CDK14: variants seen among roughly 807,000 people sequenced by gnomAD.
CDK14 encodes the protein cyclin-dependent kinase 14.
CDK14 carries 34 observed loss-of-function variants against 60.7 expected under a neutral mutation model. The ratio of observed to expected loss-of-function variants is 0.56; its 90% confidence interval spans 0.43 to 0.75. CDK14 has a LOEUF of 0.75. Ranked by LOEUF, CDK14 falls within the 30% of genes least tolerant of loss-of-function variation. The probability of loss-of-function intolerance (pLI) is 0.00; values close to 1 mark genes in which losing one functional copy is unlikely to be tolerated. For missense variants in CDK14, 482 were observed against 564.1 expected (o/e 0.85, Z 1.47); for synonymous variants, 197 against 203.7 (o/e 0.97, Z 0.28).
At chr7:90,726,977 A>T (rs1802660420) in intron 3 of CDK14, among the ~76,000 whole-genome samples, 165 bp downstream of exon 3, 1 of 151,988 alleles carries the variant, frequency 6.6e-6, no homozygotes, top group Non-Finnish European at 1.5e-5. Flanking sequence ...CTATATATGG[A>T]CTCCTTATTT....
intron 12 of CDK14, among the ~76,000 whole-genome samples, chr7:91,101,363 T>G (rs1799142257): frequency 6.6e-6 from 1 of 152,192 alleles, no homozygotes; most frequent in South Asian, 2.1e-4. Context: ...TTTTGTGAAC[T>G]GTAGAGCTGC....
intron 9 of CDK14, among the ~76,000 whole-genome samples, chr7:90,983,890 G>A (rs1338623283): frequency 6.6e-6 from 1 of 151,984 alleles, no homozygotes; most frequent in South Asian, 2.1e-4. Flanking sequence ...AGGGAGGCAA[G>A]GGTTAACAAA....
At chr7:90,633,249 T>C (rs1223120072) in intron 2 of CDK14, among the ~76,000 whole-genome samples, 1 of 152,228 alleles carries the variant, frequency 6.6e-6, no homozygotes, top group Non-Finnish European at 1.5e-5. Context: ...TTAGTCTGTC[T>C]CAAAACTCTG....
chr7:90,816,526 A>G (rs1479267884), intron 5 of CDK14, among the ~76,000 whole-genome samples: 1 of 152,160 alleles, frequency 6.6e-6, no homozygotes, highest in Non-Finnish European at 1.5e-5. Context: ...TGGATCATTA[A>G]TGTGGCCAGG....
At chr7:90,755,914 T>G (rs1057150631) in intron 4 of CDK14, among the ~76,000 whole-genome samples, 1 of 152,232 alleles carries the variant, frequency 6.6e-6, no homozygotes, top group Non-Finnish European at 1.5e-5. Context: ...GTGTACAATA[T>G]AGTACATCCC....
At chr7:91,103,575 A>G (rs1799201647) in intron 12 of CDK14, among the ~76,000 whole-genome samples, 2 of 152,182 alleles carry the variant, frequency 1.3e-5, no homozygotes, top group African/African-American at 4.8e-5. Context: ...CTGGCAGGCC[A>G]GTACAGCTGT....
At chr7:90,959,749 C>T (rs1259127084) in intron 9 of CDK14, among the ~76,000 whole-genome samples, 3 of 152,108 alleles carry the variant, frequency 2.0e-5, no homozygotes, top group Non-Finnish European at 4.4e-5. Context: ...CAGAGCTGGC[C>T]GTGTTACGAT....
chr7:90,668,202 G>T (rs373864016), intron 2 of CDK14, among the ~76,000 whole-genome samples: 1 of 151,966 alleles, frequency 6.6e-6, no homozygotes, highest in East Asian at 1.9e-4. Context: ...TTTGATTTTG[G>T]CCATCTCAGT....
chr7:91,091,501 T>TTATATATATATATATATATATATA (rs56670195), intron 12 of CDK14, among the ~76,000 whole-genome samples: 1,499 of 88,862 alleles, frequency 0.017, 82 homozygotes, highest in Middle Eastern at 0.049. Context: ...TTTATATATT[T>TTATATATATATATATATATATATA]TATATATATA....
At chr7:91,205,802 T>G (rs938649988) in intron 14 of CDK14, among the ~76,000 whole-genome samples, 6 of 152,138 alleles carry the variant, frequency 3.9e-5, no homozygotes, top group Non-Finnish European at 8.8e-5. Flanking sequence ...TTTTTATTTT[T>G]TTTATTTTTT....
At chr7:90,632,023 CAA>C (rs68111528) in intron 2 of CDK14, 46,891 of 151,542 alleles carry the variant, frequency 0.31, 8,122 homozygotes, top group East Asian at 0.67. Flanking sequence ...AACAATAGAC[CAA>C]AAAAAAATTA....
At chr7:91,157,581 C>G (rs185900457) in intron 14 of CDK14, among the ~76,000 whole-genome samples, 1 of 152,254 alleles carries the variant, frequency 6.6e-6, no homozygotes, top group African/African-American at 2.4e-5. Context: ...GTTAACTGTC[C>G]TGGTTTGAAA....
chr7:90,989,380 T>G lies in CDK14; in HGVS notation c.1041+5139T>G, dbSNP rs114077317. 7.8e-3 allele frequency among the ~76,000 whole-genome samples: 1,190 copies of G among 152,300 alleles called. 20 individuals are homozygous for G. The highest frequency in any genetic ancestry group is 0.028 in the African/African-American group (1,150 of 41,552). ...TCATCATTACCATTACTGGATTTGCTTTAGGTTATTTCTGCCATACTACTT... is the reference window on the plus strand; with the variant it reads ...TCATCATTACCATTACTGGATTTGCGTTAGGTTATTTCTGCCATACTACTT... On this transcript the variant is annotated intron_variant, in intron 10 of 14. Coordinates refer to ENST00000380050, the MANE Select transcript of CDK14 (RefSeq NM_001287135.2).
intron 9 of CDK14, among the ~76,000 whole-genome samples, chr7:90,957,559 C>G (rs1397673465): frequency 6.6e-6 from 1 of 151,808 alleles, no homozygotes; most frequent in African/African-American, 2.4e-5. Context: ...ACACCAACAA[C>G]AGACAAACAG....
chr7:91,055,914 T>A (rs1400056286), intron 11 of CDK14, among the ~76,000 whole-genome samples: 1 of 152,240 alleles, frequency 6.6e-6, no homozygotes, highest in African/African-American at 2.4e-5. Flanking sequence ...GGCCGTACAC[T>A]TTTAATTGCC....
intron 14 of CDK14, among the ~76,000 whole-genome samples, chr7:91,142,116 T>C (rs1800484339): frequency 6.6e-6 from 1 of 152,222 alleles, no homozygotes. Flanking sequence ...TGAACCACCA[T>C]GCCCGGCCAA....
At chr7:90,967,496 G>A (rs1794787677) in intron 9 of CDK14, among the ~76,000 whole-genome samples, 1 of 152,162 alleles carries the variant, frequency 6.6e-6, no homozygotes, top group East Asian at 1.9e-4. Flanking sequence ...AAATAGCGTA[G>A]TAATGCAGGC....
At chr7:91,148,394 T>C (rs1800722196) in intron 14 of CDK14, among the ~76,000 whole-genome samples, 1 of 152,058 alleles carries the variant, frequency 6.6e-6, no homozygotes, top group Non-Finnish European at 1.5e-5. Flanking sequence ...AATTTGCAAA[T>C]AGATAATGAT....
chr7:91,085,097 C>T (rs1034395594), intron 12 of CDK14, among the ~76,000 whole-genome samples: 7 of 152,326 alleles, frequency 4.6e-5, no homozygotes, highest in Non-Finnish European at 1.0e-4. Flanking sequence ...AATTACCACA[C>T]ATTTATTGGT....
Sources: gnomAD v4.1 joint callset for allele counts (sites outside exome capture counted in the v4.1 genomes callset) on GRCh38, gnomAD v4.1.1 for gene constraint, MANE v1.5 for transcripts, NCBI Gene and HGNC (gene_info 2026-07-23, HGNC 2026-07-21) for gene names.